Variants in YWHAE observed in about 807,000 individuals in gnomAD.
YWHAE encodes 14-3-3 protein epsilon.
YWHAE carries 4 observed loss-of-function variants against 30.1 expected under a neutral mutation model. The observed-to-expected ratio is 0.13, with a 90% CI of 0.07 to 0.30. The LOEUF (loss-of-function observed/expected upper bound fraction) is 0.30, where lower values mean the gene tolerates loss of function less well. Ranked by LOEUF, YWHAE falls within the 10% of genes least tolerant of loss-of-function variation. The probability of loss-of-function intolerance (pLI) is 1.00; values close to 1 mark genes in which losing one functional copy is unlikely to be tolerated. For synonymous variants in YWHAE, 118 were observed against 111.8 expected, an observed-to-expected ratio of 1.06 and a Z score of -0.35; for missense variants, 121 against 315.9, an observed-to-expected ratio of 0.38 and a Z score of 4.68.
At chr17:1,367,105 A>C (rs2072957196) in intron 1 of YWHAE, among the ~76,000 whole-genome samples, 1 of 152,226 alleles carries the variant, frequency 6.6e-6, no homozygotes, top group South Asian at 2.1e-4. Flanking sequence ...ATGTTTTAAT[A>C]AACATGTACC....
intron 1 of YWHAE, among the ~76,000 whole-genome samples, chr17:1,393,013 G>A (rs2073411501): frequency 6.6e-6 from 1 of 151,938 alleles, no homozygotes; most frequent in Non-Finnish European, 1.5e-5. Context: ...AGACCAGCCT[G>A]GGCAACATGG....
chr17:1,349,432 T>C (rs530859887), intron 5 of YWHAE, among the ~76,000 whole-genome samples: 2 of 152,328 alleles, frequency 1.3e-5, no homozygotes, highest in East Asian at 1.9e-4. Context: ...AGTTTGTTAG[T>C]TGTACCGGAA....
intron 1 of YWHAE, among the ~76,000 whole-genome samples, chr17:1,370,385 C>T (rs1306508302): frequency 6.6e-6 from 1 of 151,934 alleles, no homozygotes; most frequent in Non-Finnish European, 1.5e-5. Flanking sequence ...CCCGCCTTGG[C>T]CTCCCAAAGT....
chr17:1,370,414 A>G (rs1266071038), intron 1 of YWHAE, among the ~76,000 whole-genome samples: 1 of 151,350 alleles, frequency 6.6e-6, no homozygotes, highest in East Asian at 2.0e-4. Flanking sequence ...TACAGGCGTG[A>G]GCCACCGCGA....
At chr17:1,346,811 C>T (rs980952205) in intron 5 of YWHAE, among the ~76,000 whole-genome samples, 4 of 151,096 alleles carry the variant, frequency 2.6e-5, no homozygotes, top group Non-Finnish European at 4.4e-5. Context: ...ACAGTAAATC[C>T]CCATCTCTAC....
intron 4 of YWHAE, among the ~76,000 whole-genome samples, chr17:1,359,934 A>G (rs1322399468): frequency 8.2e-4 from 21 of 25,532 alleles, no homozygotes; most frequent in East Asian, 5.3e-3. Context: ...GGAGGGGGGG[A>G]GGAGGGGGAG....
At chr17:1,353,627 A>G (rs1019398482) in intron 5 of YWHAE, among the ~76,000 whole-genome samples, 3 of 151,790 alleles carry the variant, frequency 2.0e-5, no homozygotes, top group African/African-American at 4.8e-5. Context: ...GGTAGTCGTG[A>G]TAACGGGTGC....
intron 1 of YWHAE, among the ~76,000 whole-genome samples, chr17:1,388,108 T>TTTTG (rs1555646224): frequency 2.8e-4 from 13 of 46,634 alleles, no homozygotes; most frequent in African/African-American, 1.6e-3. Context: ...TTTGTTTTTT[T>TTTTG]TTTTGGTTGG....
At chr17:1,368,363 C>T (rs866574364) in intron 1 of YWHAE, among the ~76,000 whole-genome samples, 40 of 149,590 alleles carry the variant, frequency 2.7e-4, no homozygotes, top group Middle Eastern at 3.4e-3. Context: ...GCAACAAGAG[C>T]GAAACTCCAT....
chr17:1,356,894 T>C (rs1375992813), intron 4 of YWHAE, among the ~76,000 whole-genome samples: 2 of 151,650 alleles, frequency 1.3e-5, no homozygotes, highest in Admixed American at 1.3e-4. Flanking sequence ...TCCCCTTTCC[T>C]CAAACTTTGA....
intron 4 of YWHAE, among the ~76,000 whole-genome samples, chr17:1,356,215 C>CACACACA (rs1320076580): frequency 9.7e-4 from 131 of 135,630 alleles, no homozygotes; most frequent in African/African-American, 3.4e-3. Context: ...CACACACACA[C>CACACACA]AAAATTAGCC....
chr17:1,347,278 A>C (rs1056874473), intron 5 of YWHAE, among the ~76,000 whole-genome samples: 2 of 151,298 alleles, frequency 1.3e-5, no homozygotes, highest in African/African-American at 4.9e-5. Flanking sequence ...GCTTTCAGTG[A>C]GCCAAGATTC....
chr17:1,349,758 G>A (rs1471602220), intron 5 of YWHAE, among the ~76,000 whole-genome samples: 4 of 150,756 alleles, frequency 2.7e-5, no homozygotes, highest in Non-Finnish European at 5.9e-5. Context: ...GACTACAGGC[G>A]CCCACCACCA....
At chr17:1,359,063 A>C (rs1471467527) in intron 4 of YWHAE, among the ~76,000 whole-genome samples, 1 of 151,292 alleles carries the variant, frequency 6.6e-6, no homozygotes, top group Admixed American at 6.6e-5. Flanking sequence ...TTGAACCTGG[A>C]AGGCAGAGGT....
intron 4 of YWHAE, among the ~76,000 whole-genome samples, chr17:1,355,110 AT>A (rs768382736): frequency 0.1 from 1,557 of 15,068 alleles, 167 homozygotes; most frequent in African/African-American, 0.22. Flanking sequence ...CACCCCCAAG[AT>A]TTTTTAAAAA....
intron 1 of YWHAE, among the ~76,000 whole-genome samples, chr17:1,396,659 G>A (rs2073476615): frequency 6.6e-6 from 1 of 152,062 alleles, no homozygotes. Flanking sequence ...TTTTATTGTT[G>A]CTGTTGCCCA....
intron 1 of YWHAE, among the ~76,000 whole-genome samples, chr17:1,368,875 TTACA>T (rs1172419838): frequency 6.6e-6 from 1 of 152,182 alleles, no homozygotes; most frequent in East Asian, 1.9e-4. Context: ...CTTTACAATA[TTACA>T]TACAGAAAAA....
At chr17:1,365,127 G>GT (rs1318084378) in intron 1 of YWHAE, 69 bp from the exon 2 acceptor site, 6 of 1,483,990 alleles carry the variant, frequency 4.0e-6, no homozygotes, top group African/African-American at 1.4e-5. Flanking sequence ...TTTCAAAGTA[G>GT]TTTTTTTCTG....
At chr17:1,372,541 A>C (rs554005985) in intron 1 of YWHAE, among the ~76,000 whole-genome samples, 1 of 152,310 alleles carries the variant, frequency 6.6e-6, no homozygotes, top group Admixed American at 6.5e-5. Context: ...ATTTAAAGTG[A>C]GAGACTGGGA....
Sources: gnomAD v4.1 joint callset for allele counts (sites outside exome capture counted in the v4.1 genomes callset) on GRCh38, gnomAD v4.1.1 for gene constraint, MANE v1.5 for transcripts, NCBI Gene and HGNC (gene_info 2026-07-23, HGNC 2026-07-21) for gene names.